The following BCAT1 variants were observed in gnomAD, a reference collection of about 807,000 sequenced individuals.
BCAT1 encodes branched chain amino acid transaminase 1, also known as branched-chain-amino-acid aminotransferase, cytosolic.
BCAT1 carries 48 observed loss-of-function variants against 52.4 expected under a neutral mutation model. The observed-to-expected ratio is 0.92, with a 90% CI of 0.73 to 1.16. BCAT1 has a LOEUF of 1.16. Among genes scored for constraint, BCAT1 ranks in the 50% most tolerant of loss-of-function variants. The pLI, the probability that BCAT1 is intolerant of heterozygous loss-of-function variation, is 0.00. For missense variants in BCAT1, 451 were observed against 457.1 expected (o/e 0.99, Z 0.12); for synonymous variants, 167 against 161.3 (o/e 1.04, Z -0.27).
At chr12:24,845,912 A>G (rs1941330159) in intron 6 of BCAT1, among the ~76,000 whole-genome samples, 1 of 152,164 alleles carries the variant, frequency 6.6e-6, no homozygotes, top group South Asian at 2.1e-4. Context: ...AATAATAACT[A>G]TTTTATTTGA....
At chr12:24,918,353 C>G (rs917973320) in intron 1 of BCAT1, among the ~76,000 whole-genome samples, 1 of 152,182 alleles carries the variant, frequency 6.6e-6, no homozygotes, top group Non-Finnish European at 1.5e-5. Context: ...GCTCCCTAGG[C>G]TCATAGAGGA....
chr12:24,948,263 C>G (rs1453997219), intron 1 of BCAT1, among the ~76,000 whole-genome samples: 7 of 152,344 alleles, frequency 4.6e-5, no homozygotes, highest in Admixed American at 4.6e-4. Flanking sequence ...CGGTGTACAT[C>G]CCTACACCTA....
intron 1 of BCAT1, among the ~76,000 whole-genome samples, chr12:24,938,336 G>A (rs1943797287): frequency 6.6e-6 from 1 of 152,330 alleles, no homozygotes; most frequent in Admixed American, 6.5e-5. Context: ...CTAAGACCAG[G>A]AGGAGCAGGA....
chr12:24,877,090 C>T lies in BCAT1; in HGVS notation c.510+1440G>A, dbSNP rs555253062. Among the ~76,000 whole-genome samples the T allele has an allele frequency of 2.2e-4, 33 of 152,284 alleles. 1 individual carries two copies. The highest frequency in any genetic ancestry group is 3.4e-3 in the Middle Eastern group (1 of 294). Reference sequence around the variant, plus strand: ...GAAATTCATTATCTAGATCCTTACACGGCTTTCGAAAGGTATCAAGGATAC... The same window carrying T: ...GAAATTCATTATCTAGATCCTTACATGGCTTTCGAAAGGTATCAAGGATAC... On this transcript the variant is annotated intron_variant, in intron 5 of 10. Transcript: ENST00000261192.
intron 1 of BCAT1, among the ~76,000 whole-genome samples, chr12:24,919,493 C>G (rs1038157304): frequency 6.6e-6 from 1 of 152,320 alleles, no homozygotes; most frequent in East Asian, 1.9e-4. Flanking sequence ...CTAAACCCCA[C>G]TTTAATGTCC....
chr12:24,912,094 A>G (rs959231300), intron 1 of BCAT1, among the ~76,000 whole-genome samples: 1 of 152,216 alleles, frequency 6.6e-6, no homozygotes, highest in African/African-American at 2.4e-5. Flanking sequence ...CAAAAAGAAA[A>G]GGCCACAATC....
At chr12:24,834,104 T>G in intron 8 of BCAT1, 1 of 969,224 alleles carries the variant, frequency 1.0e-6, no homozygotes. Flanking sequence ...GGGATTATAG[T>G]TGTGAGCCAC....
chr12:24,829,557 CT>C (rs1163081936), intron 10 of BCAT1, among the ~76,000 whole-genome samples: 1 of 152,026 alleles, frequency 6.6e-6, no homozygotes, highest in African/African-American at 2.4e-5. Context: ...AAAATTACAT[CT>C]ATTTTTTAAT....
chr12:24,900,288 TAA>T (rs1334442581), intron 2 of BCAT1, among the ~76,000 whole-genome samples: 2 of 152,058 alleles, frequency 1.3e-5, no homozygotes, highest in African/African-American at 2.4e-5. Flanking sequence ...AATTAACAAA[TAA>T]AAAAGATTAT....
intron 5 of BCAT1, among the ~76,000 whole-genome samples, chr12:24,869,890 T>A (rs1420064013): frequency 6.6e-6 from 1 of 152,206 alleles, no homozygotes; most frequent in East Asian, 1.9e-4. Context: ...GGTGTGTAAT[T>A]TGTTTTAAAA....
At chr12:24,844,894 C>CAAAAAAA (rs11318750) in intron 6 of BCAT1, among the ~76,000 whole-genome samples, 2,536 of 36,006 alleles carry the variant, frequency 0.07, 209 homozygotes, top group Middle Eastern at 0.14. Flanking sequence ...GAGACTGTCT[C>CAAAAAAA]AAAAAAAAAA....
At chr12:24,849,700 A>C (rs1351124442) in intron 6 of BCAT1, 86 bp downstream of exon 6, 1 of 1,360,686 alleles carries the variant, frequency 7.3e-7, no homozygotes, top group African/African-American at 1.5e-5. Context: ...GAAAAGTATT[A>C]TATGTGTTCA....
intron 1 of BCAT1, among the ~76,000 whole-genome samples, chr12:24,914,410 T>G: frequency 6.6e-6 from 1 of 152,196 alleles, no homozygotes; most frequent in Non-Finnish European, 1.5e-5. Context: ...GCCATTGAAC[T>G]AGTCTTGCAG....
intron 1 of BCAT1, among the ~76,000 whole-genome samples, chr12:24,930,449 C>T (rs780670314): frequency 6.6e-6 from 1 of 152,234 alleles, no homozygotes; most frequent in Non-Finnish European, 1.5e-5. Flanking sequence ...AGACCCCTCT[C>T]TTGACTCTAA....
intron 5 of BCAT1, among the ~76,000 whole-genome samples, chr12:24,866,919 C>G (rs1057304337): frequency 1.3e-5 from 2 of 152,178 alleles, no homozygotes; most frequent in Non-Finnish European, 2.9e-5. Context: ...CCCTTCCATA[C>G]TGTGGAAGCT....
chr12:24,836,591 C>T lies in BCAT1; in HGVS notation c.823G>A (p.Glu275Lys). Residue 275 changes from glutamate to lysine, a missense_variant, in exon 8 of 11, where the codon GAA becomes AAA. Physicochemically the swap from Glu to Lys is moderately conservative, Grantham distance 56. Coordinates refer to ENST00000261192, the MANE Select transcript of BCAT1 (RefSeq NM_005504.7). ...CCATCTAGTGGAGGAGTTGCCAGTT[C>T]TTCTTCTGTCAATCAGAAATTGGGA... Reference protein sequence around the residue: ...LYWINEDGEEELATPPLDGII... With the variant: ...LYWINEDGEEKLATPPLDGII... The T allele has an allele frequency of 6.2e-7, 1 of 1,610,732 alleles. No homozygotes were observed.
chr12:24,866,907 T>A (rs1253546745), intron 5 of BCAT1, among the ~76,000 whole-genome samples: 4 of 151,836 alleles, frequency 2.6e-5, no homozygotes, highest in Non-Finnish European at 5.9e-5. Context: ...CCTGCTGGGG[T>A]CCCCTTCCAT....
At chr12:24,827,337 T>A (rs1462199818) in intron 10 of BCAT1, among the ~76,000 whole-genome samples, 1 of 152,210 alleles carries the variant, frequency 6.6e-6, no homozygotes, top group East Asian at 1.9e-4. Flanking sequence ...TTAGCTACTC[T>A]TCAAATTACT....
intron 2 of BCAT1, among the ~76,000 whole-genome samples, chr12:24,896,492 CG>C (rs1942963049): frequency 6.6e-6 from 1 of 152,130 alleles, no homozygotes; most frequent in South Asian, 2.1e-4. Flanking sequence ...TTTAGCAGGC[CG>C]GGCACAGTGG....
Sources: gnomAD v4.1 joint callset for allele counts (sites outside exome capture counted in the v4.1 genomes callset) on GRCh38, gnomAD v4.1.1 for gene constraint, MANE v1.5 for transcripts, NCBI Gene and HGNC (gene_info 2026-07-23, HGNC 2026-07-21) for gene names.